Variants in SLA2 observed in about 807,000 individuals in gnomAD.
SLA2 encodes the protein Src like adaptor 2.
Under a neutral mutation model 27.3 loss-of-function variants are expected in SLA2, and 22 were observed. The ratio of observed to expected loss-of-function variants is 0.81; its 90% CI spans 0.58 to 1.15. SLA2 has a LOEUF of 1.15. Ranked by LOEUF, SLA2 falls within the 50% of genes most tolerant of loss-of-function variation. The pLI is 0.00. For synonymous variants in SLA2, 131 were observed against 137.8 expected (o/e 0.95, Z 0.34); for missense variants, 304 against 322.2 (o/e 0.94, Z 0.43).
chr20:36,639,542 A>G (rs2147996538), intron 2 of SLA2, among the ~76,000 whole-genome samples: 1 of 152,238 alleles, frequency 6.6e-6, no homozygotes, highest in South Asian at 2.1e-4. Flanking sequence ...ACCTGGGGCC[A>G]TAGTTCCAAC....
intron 5 of SLA2, among the ~76,000 whole-genome samples, chr20:36,625,414 G>A (rs1320119448): frequency 1.3e-5 from 2 of 151,900 alleles, no homozygotes; most frequent in Non-Finnish European, 2.9e-5. Flanking sequence ...TAATAGAGAT[G>A]GGGTTTCACC....
At chr20:36,636,153 C>T (rs149270021) in intron 2 of SLA2, among the ~76,000 whole-genome samples, 1,818 of 149,116 alleles carry the variant, frequency 0.012, 65 homozygotes, top group African/African-American at 0.044. Context: ...CGCGGTGGCT[C>T]ACGCCTGTAA....
At chr20:36,617,533 CAA>C (rs1159077334) in intron 5 of SLA2, among the ~76,000 whole-genome samples, 26 of 56,784 alleles carry the variant, frequency 4.6e-4, no homozygotes, top group East Asian at 1.1e-3. Flanking sequence ...GACCCTGTCT[CAA>C]AAAAAAAAAA....
At chr20:36,614,891 G>A (rs1006309702) in intron 6 of SLA2, 22 of 985,278 alleles carry the variant, frequency 2.2e-5, no homozygotes, top group African/African-American at 5.2e-5. Flanking sequence ...ACTAAGGAGA[G>A]TCAGGATTGA....
chr20:36,629,268 T>G lies in SLA2; in HGVS notation c.382+3327A>C, dbSNP rs534632534. Among the ~76,000 whole-genome samples, 12 of 151,844 alleles carry G rather than the reference T, an allele frequency of 7.9e-5. No individual in the cohort carries two copies. The South Asian group carries it at 2.5e-3, about 32-fold the overall frequency. ...TTAGTACAGATGGGGTTTCGCCATG[T>G]TGGCCAAGCTGGTCTCAAACTCCTG... is the stretch of plus-strand genomic sequence containing the variant. On this transcript the variant is annotated intron_variant, in intron 5 of 7. Coordinates refer to ENST00000262866, the MANE Select transcript of SLA2 (RefSeq NM_032214.4).
Position 36,612,458 on chromosome 20 carries a change from T to G in SLA2, c.*1408A>C, listed in dbSNP as rs981840256. The G allele has an allele frequency of 2.1e-5, 12 of 575,196 alleles. No individual in the cohort carries two copies. The highest frequency in any genetic ancestry group is 4.6e-4 in the Middle Eastern group (1 of 2,158). The allele number at this position is 575,196 out of a possible 1,614,324, so 35.6% of individuals were successfully genotyped here. On this transcript the variant is annotated 3_prime_UTR_variant, in exon 8 of 8. Coordinates refer to ENST00000262866, the MANE Select transcript of SLA2 (RefSeq NM_032214.4). ...CAAGTCTTCTGAAACAGCATGGCTG[T>G]ATGTGCGTGGTCCATAGCACAGTAC...
At position 36,637,624 on chromosome 20, in the gene SLA2, C is replaced by CTTTT. The variant is rs36100264; in HGVS notation, c.92-3039_92-3036dup. ...ATAGGCTCATATTCTGTGAAGTTTG[C>CTTTT]TTTTTTTTTTTTTTTTTTTTTTGAG... On this transcript the variant is annotated intron_variant, in intron 2 of 7. Coordinates refer to ENST00000262866, the MANE Select transcript of SLA2 (RefSeq NM_032214.4). 2.1e-3 allele frequency among the ~76,000 whole-genome samples: 166 copies of CTTTT among 80,954 alleles called. 8 individuals carry two copies. The highest frequency in any genetic ancestry group is 2.5e-3 in the Non-Finnish European group (113 of 44,786). 53.1% of individuals were successfully genotyped at this position (80,954 alleles called of 152,430 possible).
intron 5 of SLA2, among the ~76,000 whole-genome samples, chr20:36,623,603 G>A (rs563539342): frequency 1.3e-5 from 2 of 152,074 alleles, no homozygotes; most frequent in South Asian, 2.1e-4. Flanking sequence ...TCTCTGCTTC[G>A]TTTTCTTTGT....
At chr20:36,623,364 C>T (rs572789666) in intron 5 of SLA2, among the ~76,000 whole-genome samples, 5 of 151,548 alleles carry the variant, frequency 3.3e-5, no homozygotes, top group African/African-American at 1.2e-4. Flanking sequence ...ATGTTCTTAC[C>T]GCTTCTACTC....
chr20:36,636,619 A>ATATATATATAT (rs1568609040), intron 2 of SLA2, among the ~76,000 whole-genome samples: 1 of 126,920 alleles, frequency 7.9e-6, no homozygotes, highest in African/African-American at 3.5e-5. Flanking sequence ...AAGAAAAAAA[A>ATATATATATAT]AAAAATATAT....
chr20:36,637,187 G>GTGTGTATT (rs1451151173), intron 2 of SLA2, among the ~76,000 whole-genome samples: 4 of 146,814 alleles, frequency 2.7e-5, no homozygotes, highest in African/African-American at 1.0e-4. Flanking sequence ...AGGTGCGCGT[G>GTGTGTATT]TGTGTATTTT....
intron 3 of SLA2, among the ~76,000 whole-genome samples, chr20:36,634,172 G>A (rs1003851934): frequency 4.6e-5 from 7 of 152,000 alleles, no homozygotes; most frequent in Non-Finnish European, 8.8e-5. Flanking sequence ...ATTTTTAGTA[G>A]AGACGGTTTC....
In SLA2 at chr20:36,614,298, A is replaced by G. The variant is rs769938148; in HGVS notation, c.665+7T>C. On this transcript the variant is annotated splice_region_variant and intron_variant, in intron 7 of 7. Coordinates refer to ENST00000262866, the MANE Select transcript of SLA2 (RefSeq NM_032214.4). ...GCTTTCATGTTTCCAGGAGTCCCCA[A>G]CTTTACCTGTCCAGCTCTTTCCAGT... 22 of 1,613,944 alleles carry G rather than the reference A, an allele frequency of 1.4e-5. No homozygotes were observed. The highest frequency in any genetic ancestry group is 3.3e-5 in the Admixed American group (2 of 59,974).
chr20:36,645,590 G>C (rs77355514), intron 1 of SLA2, among the ~76,000 whole-genome samples: 2,370 of 152,312 alleles, frequency 0.016, 28 homozygotes, highest in Non-Finnish European at 0.024. Flanking sequence ...TAGGACGGGC[G>C]TGAAGACAAG....
At chr20:36,630,335 G>A in intron 5 of SLA2, among the ~76,000 whole-genome samples, 1 of 152,326 alleles carries the variant, frequency 6.6e-6, no homozygotes, top group African/African-American at 2.4e-5. Context: ...CAGGAGAGGA[G>A]AGACAAAGAA....
chr20:36,621,691 T>C (rs2039284959), intron 5 of SLA2, among the ~76,000 whole-genome samples: 1 of 151,348 alleles, frequency 6.6e-6, no homozygotes, highest in African/African-American at 2.4e-5. Context: ...AGGATAAATG[T>C]AAAATTAAAA....
chr20:36,624,348 C>T (rs773257657), intron 5 of SLA2, among the ~76,000 whole-genome samples: 6 of 152,150 alleles, frequency 3.9e-5, no homozygotes, highest in Non-Finnish European at 8.8e-5. Context: ...CTTCCCTGAC[C>T]GCCTGCTGAG....
chr20:36,614,015 A>G (rs753514627), intron 7 of SLA2, 29 bp from the exon 8 acceptor site: 3 of 1,611,790 alleles, frequency 1.9e-6, no homozygotes, highest in Non-Finnish European at 1.7e-6. Flanking sequence ...AATTGGGTCA[A>G]GAAGCCTCTT....
At chr20:36,621,450 G>A in intron 5 of SLA2, 1 of 469,910 alleles carries the variant, frequency 2.1e-6, no homozygotes. Flanking sequence ...CTATAGTGTT[G>A]TTTTTTTTTT....
Sources: allele counts gnomAD v4.1 joint callset (sites outside exome capture counted in the v4.1 genomes callset), GRCh38; gene constraint gnomAD v4.1.1; transcripts MANE v1.5; gene names NCBI Gene and HGNC (gene_info 2026-07-23, HGNC 2026-07-21).